Variants in INSC observed in about 807,000 individuals in gnomAD.
INSC encodes the protein INSC spindle orientation adaptor protein.
A neutral mutation model predicts 58.6 loss-of-function variants in INSC; 67 were observed. That is an observed-to-expected ratio of 1.14 (90% CI 0.94 to 1.40). INSC has a LOEUF of 1.40. INSC is among the 40% of genes most tolerant of loss of function. INSC has a pLI of 0.00. For synonymous variants in INSC, 262 were observed against 276.1 expected (o/e 0.95, Z 0.51); for missense variants, 714 against 692.0 (o/e 1.03, Z -0.36).
chr11:15,268,852 C>T, the INSC span, among the ~76,000 whole-genome samples: 2 of 152,028 alleles, frequency 1.3e-5, no homozygotes, highest in Admixed American at 1.3e-4. Flanking sequence ...TTTCATAAGA[C>T]TATATGGATA....
At chr11:15,178,582 A>C in intron 5 of INSC, 135 bp downstream of exon 5, 1 of 1,091,540 alleles carries the variant, frequency 9.2e-7, no homozygotes, top group Non-Finnish European at 1.3e-6. Flanking sequence ...CAAACCACCA[A>C]AGTCAACTCC....
At chr11:15,160,310 A>C (rs1263523663) in intron 2 of INSC, among the ~76,000 whole-genome samples, 1 of 152,194 alleles carries the variant, frequency 6.6e-6, no homozygotes, top group East Asian at 1.9e-4. Flanking sequence ...GAGAGGGACC[A>C]GCATGTGCAA....
At chr11:15,201,596 T>C (rs952761319) in intron 7 of INSC, among the ~76,000 whole-genome samples, 3 of 152,198 alleles carry the variant, frequency 2.0e-5, no homozygotes, top group African/African-American at 4.8e-5. Context: ...GTTGTGCGAC[T>C]GAGGCTGCGC....
the INSC span, among the ~76,000 whole-genome samples, chr11:15,265,551 A>G: frequency 6.6e-6 from 1 of 151,574 alleles, no homozygotes. Flanking sequence ...TGTTTCAATT[A>G]CTTATTAGCA....
At chr11:15,221,683 G>A (rs1309647907) in intron 8 of INSC, 35 bp downstream of exon 8, 48 of 1,573,630 alleles carry the variant, frequency 3.1e-5, no homozygotes, top group Non-Finnish European at 4.1e-5. Flanking sequence ...CACTAGGAGA[G>A]AGGGCCTTGG....
At chr11:15,189,451 T>C (rs532386923) in intron 5 of INSC, among the ~76,000 whole-genome samples, 126 of 152,128 alleles carry the variant, frequency 8.3e-4, no homozygotes, top group Middle Eastern at 3.4e-3. Flanking sequence ...AGGCTATTTC[T>C]TGGACTCCTG....
At chr11:15,158,338 C>T (rs2133774979) in intron 2 of INSC, among the ~76,000 whole-genome samples, 1 of 151,380 alleles carries the variant, frequency 6.6e-6, no homozygotes, top group South Asian at 2.1e-4. Flanking sequence ...AGACCCGTTC[C>T]TGGCCCCACC....
chr11:15,241,729 TA>T (rs1852364735), intron 12 of INSC: 2 of 643,642 alleles, frequency 3.1e-6, no homozygotes, highest in Non-Finnish European at 5.5e-6. Flanking sequence ...TGCAAAAAAG[TA>T]AAATATATAG....
At chr11:15,112,206 C>T (rs567739982), upstream of INSC, among the ~76,000 whole-genome samples, 4 of 152,208 alleles carry the variant, frequency 2.6e-5, no homozygotes, top group Admixed American at 6.5e-5. Context: ...GGGCCGGCGC[C>T]GGGGATGGAA....
chr11:15,165,183 T>C (rs1482930573), intron 2 of INSC, among the ~76,000 whole-genome samples: 1 of 152,162 alleles, frequency 6.6e-6, no homozygotes, highest in African/African-American at 2.4e-5. Flanking sequence ...ATAGTTACTC[T>C]GTCAGTTTTC....
intron 1 of INSC, among the ~76,000 whole-genome samples, chr11:15,122,389 A>T (rs1482657018): frequency 6.6e-6 from 1 of 152,164 alleles, no homozygotes; most frequent in Non-Finnish European, 1.5e-5. Context: ...AATGAAGAGG[A>T]GGTAGAATCA....
chr11:15,238,846 A>G, intron 10 of INSC, 73 bp from the exon 11 acceptor site: 1 of 1,504,816 alleles, frequency 6.6e-7, no homozygotes, highest in Non-Finnish European at 9.1e-7. Flanking sequence ...CCCTGCAGCC[A>G]TCTGTCCAGC....
chr11:15,194,210 G>A (rs1850286597), intron 6 of INSC, among the ~76,000 whole-genome samples: 2 of 152,170 alleles, frequency 1.3e-5, no homozygotes, highest in African/African-American at 4.8e-5. Context: ...CTTGTTTTTA[G>A]TCTCCTTTTT....
Position 15,129,850 on chromosome 11 carries a change from G to A in INSC, c.-46+14847G>A, listed in dbSNP as rs187003996. Among the ~76,000 whole-genome samples the A allele has an allele frequency of 1.9e-4, 29 of 152,306 alleles. No homozygotes were observed. The East Asian group carries it at 2.7e-3, about 14-fold the overall frequency. On this transcript the variant is annotated intron_variant, in intron 1 of 12. Coordinates refer to ENST00000379556, the MANE Select transcript of INSC (RefSeq NM_001042536.3). ...TTCATAAGAATTAGGGAAAGGTACC[G>A]TGTCTGCAGGGACACAGACCCATGG... is the stretch of plus-strand genomic sequence containing the variant.
intron 1 of INSC, among the ~76,000 whole-genome samples, chr11:15,142,954 C>G (rs552461330): frequency 9.1e-4 from 139 of 152,224 alleles, no homozygotes; most frequent in African/African-American, 3.2e-3. Context: ...TCCTTCCCAC[C>G]GTGAGTATTC....
At chr11:15,198,657 T>C (rs1850462013) in intron 6 of INSC, among the ~76,000 whole-genome samples, 1 of 152,104 alleles carries the variant, frequency 6.6e-6, no homozygotes, top group Non-Finnish European at 1.5e-5. Context: ...CACACATATA[T>C]AAATATATAT....
intron 9 of INSC, among the ~76,000 whole-genome samples, chr11:15,229,248 C>A (rs555578634): frequency 6.6e-5 from 10 of 152,288 alleles, no homozygotes; most frequent in African/African-American, 2.4e-4. Flanking sequence ...ATACTTCCCA[C>A]AGTAATACCT....
rs560192018 is a variant in INSC, at chr11:15,228,903, A to G, written c.1170+3075A>G. Among the ~76,000 whole-genome samples, 6 of 152,328 alleles carry G rather than the reference A, an allele frequency of 3.9e-5. No individual in the cohort carries two copies. The East Asian group carries it at 1.2e-3, about 29-fold the overall frequency. The stretch of plus-strand genomic sequence containing the variant: ...CTAGGCTCTTCTATACCCTTCAGCT[A>G]ATCCACAGGAAGGTGGCACGGGCTG... On this transcript the variant is annotated intron_variant, in intron 9 of 12. Transcript: ENST00000379556.
chr11:15,176,881 C>T (rs1306119964), intron 3 of INSC, among the ~76,000 whole-genome samples: 1 of 152,172 alleles, frequency 6.6e-6, no homozygotes, highest in Non-Finnish European at 1.5e-5. Flanking sequence ...CCTGAAGCTT[C>T]CCAGCTTCCT....
Sources: gnomAD v4.1 joint callset for allele counts (sites outside exome capture counted in the v4.1 genomes callset) on GRCh38, gnomAD v4.1.1 for gene constraint, MANE v1.5 for transcripts, NCBI Gene and HGNC (gene_info 2026-07-23, HGNC 2026-07-21) for gene names.